The following SLC28A2 variants were observed in gnomAD, a reference collection of about 807,000 sequenced individuals.
The protein encoded by SLC28A2 is solute carrier family 28 member 2.
SLC28A2 carries 69 observed loss-of-function variants against 72.9 expected under a neutral mutation model. The ratio of observed to expected loss-of-function variants is 0.95; its 90% confidence interval spans 0.78 to 1.16. The LOEUF (loss-of-function observed/expected upper bound fraction) is 1.16. SLC28A2 is among the 50% of genes most tolerant of loss of function. The pLI is 0.00. For missense variants in SLC28A2, 745 were observed against 791.1 expected, an observed-to-expected ratio of 0.94 and a Z score of 0.70; for synonymous variants, 296 against 294.1, an observed-to-expected ratio of 1.01 and a Z score of -0.07.
intron 7 of SLC28A2, 67 bp downstream of exon 7, chr15:45,264,835 C>A: frequency 1.0e-6 from 1 of 1,000,160 alleles, no homozygotes; most frequent in Non-Finnish European, 1.6e-6. Flanking sequence ...TTGAGAGGAG[C>A]ATGAGAAGAT....
Position 45,264,003 on chromosome 15 carries a change from G to A in SLC28A2, c.569G>A (p.Cys190Tyr). ...ATGTTCATCCTTATCCTCTTTGCCT[G>A]CTCCAAACACCACAGCGCAGTGAGT... ...ICMFILILFACSKHHSAVSWR... is the reference protein window; with the variant it reads ...ICMFILILFAYSKHHSAVSWR... The change falls in exon 6 of 18, where the codon TGC (cysteine) becomes TAC (tyrosine). Residue 190 changes from cysteine (C) to tyrosine (Y), a missense_variant. Transcript: ENST00000347644. The A allele has an allele frequency of 6.2e-7, 1 of 1,612,592 alleles. No individual in the cohort carries two copies. Among genetic ancestry groups the A allele is most frequent in the Admixed American group, 1.7e-5 (1 of 59,892 alleles).
intron 13 of SLC28A2, 52 bp downstream of exon 13, chr15:45,268,430 C>T: frequency 1.4e-6 from 2 of 1,460,128 alleles, no homozygotes; most frequent in Non-Finnish European, 1.9e-6. Context: ...TTAGGTAGCC[C>T]TTCAAACATG....
intron 6 of SLC28A2, among the ~76,000 whole-genome samples, 159 bp downstream of exon 6, chr15:45,264,181 T>C (rs1044935361): frequency 6.6e-6 from 1 of 152,200 alleles, no homozygotes; most frequent in Non-Finnish European, 1.5e-5. Context: ...CTAAGATAAG[T>C]TTAAAAAATT....
intron 3 of SLC28A2, chr15:45,253,771 G>A (rs991681658): frequency 2.7e-5 from 9 of 330,416 alleles, no homozygotes; most frequent in Admixed American, 1.3e-4. Flanking sequence ...GATTTTGAGT[G>A]TATACTTACT....
intron 3 of SLC28A2, among the ~76,000 whole-genome samples, chr15:45,260,766 C>T (rs1900136296): frequency 6.6e-6 from 1 of 152,116 alleles, no homozygotes; most frequent in Non-Finnish European, 1.5e-5. Flanking sequence ...GACCTTGTCT[C>T]TTAAAGAGAA....
At position 45,264,543 on chromosome 15, in the gene SLC28A2, A is replaced by C. The variant is rs1595676481; in HGVS notation, c.589-112A>C. ...CCTGCTCCCTATGCCATCAGACCCTAGACTTACTGTTAATATTCTAGGTTG... is the reference window on the plus strand; with the variant it reads ...CCTGCTCCCTATGCCATCAGACCCTCGACTTACTGTTAATATTCTAGGTTG... On this transcript the variant is annotated intron_variant, in intron 6 of 17. Coordinates refer to ENST00000347644, the MANE Select transcript of SLC28A2 (RefSeq NM_004212.4). 9.7e-6 allele frequency: 7 copies of C among 719,702 alleles called. 1 individual carries two copies. The East Asian group carries it at 1.8e-4, about 18-fold the overall frequency. 44.6% of individuals were successfully genotyped at this position (719,702 alleles called of 1,614,324 possible).
At chr15:45,261,284 CAG>C (rs1332355161) in intron 3 of SLC28A2, among the ~76,000 whole-genome samples, 1 of 152,160 alleles carries the variant, frequency 6.6e-6, no homozygotes, top group Non-Finnish European at 1.5e-5. Flanking sequence ...ATGCTGAAGC[CAG>C]AGTGTATATT....
intron 3 of SLC28A2, among the ~76,000 whole-genome samples, chr15:45,255,752 A>G (rs896416191): frequency 8.5e-5 from 13 of 152,226 alleles, no homozygotes; most frequent in Admixed American, 1.3e-4. Flanking sequence ...ATGAGCTCAC[A>G]TGACAGAAAA....
Position 45,275,535 on chromosome 15 carries a change from A to T in SLC28A2, c.*22A>T, listed in dbSNP as rs202176699. 6.9e-7 allele frequency: 1 copy of T among 1,454,116 alleles called. No homozygotes were observed. Among genetic ancestry groups the T allele is most frequent in the African/African-American group, 1.4e-5 (1 of 71,400 alleles). 90.1% of individuals were successfully genotyped at this position (1,454,116 alleles called of 1,614,324 possible). A position where few individuals can be genotyped will look rare whatever the true frequency, so the allele number is the denominator to read the frequency against. On this transcript the variant is annotated 3_prime_UTR_variant, in exon 18 of 18. Transcript: ENST00000347644. Reference sequence around the variant, plus strand: ...CTAAGGCTGCTTGATCTATTTCTATAACAGTTTTGATCTTAAAAGCTTTGT... The same window carrying T: ...CTAAGGCTGCTTGATCTATTTCTATTACAGTTTTGATCTTAAAAGCTTTGT...
chr15:45,253,105 G>A (rs1567054616), intron 1 of SLC28A2, 95 bp from the exon 2 acceptor site: 2 of 688,536 alleles, frequency 2.9e-6, no homozygotes, highest in African/African-American at 1.8e-5. Flanking sequence ...TTTTAGTTTT[G>A]CGTTTTCCAT....
intron 3 of SLC28A2, among the ~76,000 whole-genome samples, chr15:45,259,592 A>G (rs8039352): frequency 0.63 from 95,538 of 152,142 alleles, 31,377 homozygotes; most frequent in African/African-American, 0.72. Flanking sequence ...AATCATTTTT[A>G]TGAGTTTATC....
chr15:45,264,515 GC>G, intron 6 of SLC28A2, 139 bp from the exon 7 acceptor site: 1 of 618,818 alleles, frequency 1.6e-6, no homozygotes, highest in Non-Finnish European at 2.9e-6. Context: ...CCCTACCATT[GC>G]CCCTGCTCCC....
chr15:45,273,014 A>G (rs1022171767), intron 17 of SLC28A2, among the ~76,000 whole-genome samples: 4 of 152,206 alleles, frequency 2.6e-5, no homozygotes, highest in African/African-American at 9.6e-5. Flanking sequence ...GGAAGAAGAA[A>G]AATGGTTTCC....
chr15:45,255,767 A>G (rs905913197), intron 3 of SLC28A2, among the ~76,000 whole-genome samples: 3 of 152,246 alleles, frequency 2.0e-5, no homozygotes, highest in African/African-American at 7.2e-5. Flanking sequence ...AGAAAAATGT[A>G]GCAAAATAAT....
chr15:45,274,064 T>G (rs1344462176), intron 17 of SLC28A2, among the ~76,000 whole-genome samples: 5 of 152,128 alleles, frequency 3.3e-5, no homozygotes, highest in Non-Finnish European at 7.4e-5. Flanking sequence ...ATGCTGGGAT[T>G]ATAGGCCTGA....
At chr15:45,269,565 C>T (rs753978466) in intron 14 of SLC28A2, 30 bp downstream of exon 14, 10 of 1,578,700 alleles carry the variant, frequency 6.3e-6, no homozygotes, top group African/African-American at 4.0e-5. Context: ...GCATAAACAC[C>T]GTGAGGTCTC....
intron 16 of SLC28A2, 59 bp downstream of exon 16, chr15:45,272,452 A>G: frequency 7.5e-7 from 1 of 1,337,798 alleles, no homozygotes; most frequent in Non-Finnish European, 1.1e-6. Context: ...TGGAGGAATA[A>G]TATGAGGAAG....
At chr15:45,262,531 T>C (rs756671430) in intron 4 of SLC28A2, among the ~76,000 whole-genome samples, 10 of 152,150 alleles carry the variant, frequency 6.6e-5, no homozygotes, top group Non-Finnish European at 5.9e-5. Context: ...GTCAGTGGTA[T>C]ATGGGGCTTT....
Position 45,267,674 on chromosome 15 carries a change from A to G in SLC28A2, c.1077A>G (p.Ala359=). The change falls in exon 12 of 18, where the codon GCA becomes GCG. Residue 359 remains alanine, a synonymous_variant. Coordinates refer to ENST00000347644, the MANE Select transcript of SLC28A2 (RefSeq NM_004212.4). ...LGAFIAFGVD[A]SSLISASVMA... Reference sequence around the variant, plus strand: ...AGTCTGGCGCCTCACAGGTTGATGCATCATCCCTGATTTCTGCCTCTGTGA... The same window carrying G: ...AGTCTGGCGCCTCACAGGTTGATGCGTCATCCCTGATTTCTGCCTCTGTGA... The G allele has an allele frequency of 6.2e-7, 1 of 1,614,134 alleles. No homozygotes were observed. The highest frequency in any genetic ancestry group is 8.5e-7 in the Non-Finnish European group (1 of 1,180,016).
Sources: gnomAD v4.1 joint callset for allele counts (sites outside exome capture counted in the v4.1 genomes callset) on GRCh38, gnomAD v4.1.1 for gene constraint, MANE v1.5 for transcripts, NCBI Gene and HGNC (gene_info 2026-07-23, HGNC 2026-07-21) for gene names.